The following KCNJ6 variants were observed in gnomAD, a reference collection of about 807,000 sequenced individuals.
KCNJ6 encodes G protein-activated inward rectifier potassium channel 2.
Under a neutral mutation model 34.2 loss-of-function variants are expected in KCNJ6, and 9 were observed. That is an observed-to-expected ratio of 0.26 (90% CI 0.16 to 0.46). The LOEUF is 0.46. Ranked by LOEUF, KCNJ6 falls within the 20% of genes least tolerant of loss-of-function variation. The probability of loss-of-function intolerance (pLI) is 1.00; values close to 1 mark genes in which losing one functional copy is unlikely to be tolerated. For synonymous variants in KCNJ6, 196 were observed against 207.1 expected (o/e 0.95, Z 0.46); for missense variants, 236 against 531.3 (o/e 0.44, Z 5.46).
intron 2 of KCNJ6, among the ~76,000 whole-genome samples, chr21:37,761,191 G>A (rs535129259): frequency 3.3e-4 from 50 of 150,466 alleles, no homozygotes; most frequent in Admixed American, 8.6e-4. Context: ...ATGTGTGTGC[G>A]ATGTGTGTGT....
chr21:37,673,223 C>T (rs1273217521), intron 3 of KCNJ6, among the ~76,000 whole-genome samples: 1 of 152,228 alleles, frequency 6.6e-6, no homozygotes, highest in Non-Finnish European at 1.5e-5. Flanking sequence ...CCTGAACCAT[C>T]TCTAGGGCTA....
intron 2 of KCNJ6, among the ~76,000 whole-genome samples, chr21:37,764,450 C>G (rs1447899214): frequency 2.7e-5 from 4 of 150,724 alleles, no homozygotes; most frequent in African/African-American, 9.8e-5. Flanking sequence ...ACAATCTTAG[C>G]TCACTGCAAC....
At chr21:37,764,581 G>A (rs1307769429) in intron 2 of KCNJ6, among the ~76,000 whole-genome samples, 1 of 152,096 alleles carries the variant, frequency 6.6e-6, no homozygotes, top group African/African-American at 2.4e-5. Flanking sequence ...GTTTTGCCAT[G>A]TTGGCCAGGC....
intron 2 of KCNJ6, among the ~76,000 whole-genome samples, chr21:37,726,069 C>A (rs1490638783): frequency 1.3e-5 from 2 of 152,220 alleles, no homozygotes; most frequent in East Asian, 1.9e-4. Context: ...CCATGCCTGG[C>A]TAATTTTTGT....
In KCNJ6 at chr21:37,625,083, C is replaced by T. The variant is rs1354159138; in HGVS notation, c.*76G>A. The T allele has an allele frequency of 3.7e-6, 4 of 1,070,118 alleles. No homozygotes were observed. The highest frequency in any genetic ancestry group is 1.6e-5 in the African/African-American group (1 of 63,136). 66.3% of individuals were successfully genotyped at this position (1,070,118 alleles called of 1,614,324 possible). ...CAAATAAAGAACAAAGCAAGAGAGA[C>T]AGAAAAAGAAAGAGAATGAGAGACA... On this transcript the variant is annotated 3_prime_UTR_variant, in exon 4 of 4. Coordinates refer to ENST00000609713, the MANE Select transcript of KCNJ6 (RefSeq NM_002240.5).
chr21:37,902,597 T>C (rs1601524001), intron 1 of KCNJ6, among the ~76,000 whole-genome samples: 1 of 152,214 alleles, frequency 6.6e-6, no homozygotes. Flanking sequence ...ATATATTGAA[T>C]GGCCCTTCCA....
intron 1 of KCNJ6, among the ~76,000 whole-genome samples, chr21:37,883,399 A>G (rs1312027882): frequency 1.3e-5 from 2 of 152,206 alleles, no homozygotes; most frequent in Non-Finnish European, 2.9e-5. Flanking sequence ...GCAGACCCCT[A>G]CAGATTACCC....
chr21:37,887,587 T>C (rs2055742133), intron 1 of KCNJ6, among the ~76,000 whole-genome samples: 1 of 152,188 alleles, frequency 6.6e-6, no homozygotes, highest in Non-Finnish European at 1.5e-5. Context: ...TTACGTGCTG[T>C]AAATTCAAGA....
At chr21:37,702,106 G>A (rs912562018) in intron 3 of KCNJ6, among the ~76,000 whole-genome samples, 5 of 151,784 alleles carry the variant, frequency 3.3e-5, no homozygotes, top group Admixed American at 3.3e-4. Context: ...GGTGGTGGGC[G>A]CCTGTAATCC....
chr21:37,701,346 A>G (rs1327483172), intron 3 of KCNJ6, among the ~76,000 whole-genome samples: 1 of 152,138 alleles, frequency 6.6e-6, no homozygotes, highest in Non-Finnish European at 1.5e-5. Flanking sequence ...AGTTATTCCC[A>G]TTGCCAGAAG....
chr21:37,871,517 C>T (rs899008972), intron 1 of KCNJ6, among the ~76,000 whole-genome samples: 4 of 152,238 alleles, frequency 2.6e-5, no homozygotes, highest in African/African-American at 9.6e-5. Context: ...CTACCCTTGA[C>T]AGGAGGACAG....
At chr21:37,749,000 C>T (rs941897989) in intron 2 of KCNJ6, among the ~76,000 whole-genome samples, 1 of 152,154 alleles carries the variant, frequency 6.6e-6, no homozygotes, top group Non-Finnish European at 1.5e-5. Context: ...CACATTTCAT[C>T]TAGATGTATA....
At chr21:37,632,191 A>G (rs1204465004) in intron 3 of KCNJ6, among the ~76,000 whole-genome samples, 2 of 149,028 alleles carry the variant, frequency 1.3e-5, no homozygotes, top group South Asian at 2.1e-4. Context: ...ATGAATTGAT[A>G]TAATCGTGAG....
rs766622814 is a variant in KCNJ6, at chr21:37,661,614, G to GTTCTTTTTTTTTTT, written c.947-36131_947-36130insAAAAAAAAAAAGAA. ...TCCACCCATTTCCTTAAGAGACATA[G>GTTCTTTTTTTTTTT]TTTTTTTTTTTTTTTTTTTTTTTTT... is the stretch of plus-strand genomic sequence containing the variant. On this transcript the variant is annotated intron_variant, in intron 3 of 3. Coordinates refer to ENST00000609713, the MANE Select transcript of KCNJ6 (RefSeq NM_002240.5). Among the ~76,000 whole-genome samples the GTTCTTTTTTTTTTT allele has an allele frequency of 2.8e-4, 20 of 71,196 alleles. 3 individuals are homozygous for GTTCTTTTTTTTTTT. Among genetic ancestry groups the GTTCTTTTTTTTTTT allele is most frequent in the East Asian group, 4.6e-4 (1 of 2,170 alleles). The allele number at this position is 71,196 out of a possible 152,430, so 46.7% of individuals were successfully genotyped here. A position where few individuals can be genotyped will look rare whatever the true frequency, so the allele number is the denominator to read the frequency against.
chr21:37,687,591 T>C (rs1010534991), intron 3 of KCNJ6, among the ~76,000 whole-genome samples: 10 of 152,148 alleles, frequency 6.6e-5, no homozygotes, highest in Admixed American at 3.3e-4. Flanking sequence ...AGCTCTGGGC[T>C]TTTTTTCCAT....
At chr21:37,633,696 T>G (rs115009675) in intron 3 of KCNJ6, among the ~76,000 whole-genome samples, 2,684 of 151,484 alleles carry the variant, frequency 0.018, 74 homozygotes, top group African/African-American at 0.06. Context: ...CAGCAACCCT[T>G]CACCATTTCC....
Position 37,614,545 on chromosome 21 carries a change from C to T in KCNJ6, c.*10614G>A, listed in dbSNP as rs200747417. 0.39 allele frequency: 39,280 copies of T among 100,364 alleles called. 5,569 individuals carry two copies. Among genetic ancestry groups the T allele is most frequent in the Middle Eastern group, 0.44 (81 of 184 alleles). The allele number at this position is 100,364 out of a possible 1,614,324, so 6.2% of individuals were successfully genotyped here. Reference sequence around the variant, plus strand: ...GTGTGTATGCATGTCTCTGTGTATGCGTGTGTGTGTATGCGTGTGTGTATG... The same window carrying T: ...GTGTGTATGCATGTCTCTGTGTATGTGTGTGTGTGTATGCGTGTGTGTATG... On this transcript the variant is annotated 3_prime_UTR_variant, in exon 4 of 4. Transcript: ENST00000609713.
chr21:37,633,072 G>A (rs1435978210), intron 3 of KCNJ6, among the ~76,000 whole-genome samples: 1 of 152,056 alleles, frequency 6.6e-6, no homozygotes, highest in African/African-American at 2.4e-5. Context: ...TTATTCACTT[G>A]TGTAGCTACA....
rs781539709 is a variant in KCNJ6, at chr21:37,849,486, T to A, written c.-27-8777A>T. The stretch of plus-strand genomic sequence containing the variant: ...TTAGTTCCTTTCTTTCCCCTTTACT[T>A]TTCCAGGTTGCCCACAATCCAAGTT... On this transcript the variant is annotated intron_variant, in intron 1 of 3. Transcript: ENST00000609713. Among the ~76,000 whole-genome samples the A allele has an allele frequency of 2.3e-4, 35 of 152,172 alleles. 1 individual carries two copies. Among genetic ancestry groups the A allele is most frequent in the Non-Finnish European group, 3.8e-4 (26 of 68,030 alleles).
Sources: gnomAD v4.1 joint callset for allele counts (sites outside exome capture counted in the v4.1 genomes callset) on GRCh38, gnomAD v4.1.1 for gene constraint, MANE v1.5 for transcripts, NCBI Gene and HGNC (gene_info 2026-07-23, HGNC 2026-07-21) for gene names.